TAF2: variants seen among roughly 807,000 people sequenced by gnomAD.
The protein encoded by TAF2 is transcription initiation factor TFIID subunit 2.
A neutral mutation model predicts 138.5 loss-of-function variants in TAF2; 61 were observed. That is an observed-to-expected ratio of 0.44 (90% confidence interval 0.36 to 0.54). The LOEUF (loss-of-function observed/expected upper bound fraction) is 0.54, where lower values mean the gene tolerates loss of function less well. TAF2 is among the 20% of genes least tolerant of loss of function. The pLI, the probability that TAF2 is intolerant of heterozygous loss-of-function variation, is 0.00. For missense variants in TAF2, 1,090 were observed against 1,427.9 expected (o/e 0.76, Z 3.81); for synonymous variants, 475 against 469.9 (o/e 1.01, Z -0.14).
chr8:119,800,478 C>A (rs1018027107), intron 6 of TAF2, among the ~76,000 whole-genome samples: 1 of 152,030 alleles, frequency 6.6e-6, no homozygotes, highest in Non-Finnish European at 1.5e-5. Flanking sequence ...ATTTCTGAGG[C>A]CTCTGTTCTG....
intron 18 of TAF2, among the ~76,000 whole-genome samples, chr8:119,764,377 T>A (rs188404826): frequency 1.3e-5 from 2 of 152,318 alleles, no homozygotes; most frequent in African/African-American, 4.8e-5. Context: ...AAAAACTGAT[T>A]AGCCTTCTTT....
chr8:119,803,750 T>A, intron 5 of TAF2, 128 bp downstream of exon 5: 1 of 990,858 alleles, frequency 1.0e-6, no homozygotes, highest in East Asian at 2.7e-5. Flanking sequence ...GAAAGTAATT[T>A]GAAAGAAGTC....
chr8:119,759,297 A>G (rs142774001), intron 20 of TAF2, among the ~76,000 whole-genome samples: 12 of 152,210 alleles, frequency 7.9e-5, no homozygotes, highest in African/African-American at 2.9e-4. Flanking sequence ...GAATATACAC[A>G]TTATGCTGTT....
At chr8:119,823,650 T>A (rs1825924293) in intron 2 of TAF2, among the ~76,000 whole-genome samples, 1 of 152,090 alleles carries the variant, frequency 6.6e-6, no homozygotes, top group Admixed American at 6.6e-5. Context: ...GAAAATGAAC[T>A]AATACAGTAA....
chr8:119,760,662 C>T lies in TAF2; in HGVS notation c.2635G>A (p.Glu879Lys), dbSNP rs1820999978. The T allele has an allele frequency of 1.2e-6, 2 of 1,614,014 alleles. No homozygotes were observed. Among genetic ancestry groups the T allele is most frequent in the African/African-American group, 1.3e-5 (1 of 75,046 alleles). The change falls in exon 20 of 26, where the codon GAA (glutamate) becomes AAA (lysine). Residue 879 changes from glutamate to lysine, a missense_variant. Coordinates refer to ENST00000378164, the MANE Select transcript of TAF2 (RefSeq NM_003184.4). ...CTAATGTCCACAAAGTGGCCATATT[C>T]AGCATAAGATTTAAAAAGAGCTGGA... ...SDPALFKSYAEYGHFVDIRIA... is the reference protein window; with the variant it reads ...SDPALFKSYAKYGHFVDIRIA...
rs550667787 is a variant in TAF2 at position 119,794,080 on chromosome 8, G to A, written c.1192-629C>T. Among the ~76,000 whole-genome samples the A allele has an allele frequency of 9.7e-4, 147 of 151,950 alleles. 1 individual carries two copies. Among genetic ancestry groups the A allele is most frequent in the African/African-American group, 3.2e-3 (134 of 41,444 alleles). ...GCTGGAACTACAGGCACATGCCACC[G>A]TGCCTGGTTAATTAAAAGAAAAAAA... On this transcript the variant is annotated intron_variant, in intron 9 of 25. Transcript: ENST00000378164.
At chr8:119,820,127 CT>C (rs1168256103) in intron 2 of TAF2, among the ~76,000 whole-genome samples, 1 of 152,186 alleles carries the variant, frequency 6.6e-6, no homozygotes, top group East Asian at 1.9e-4. Flanking sequence ...AGCAATGTCT[CT>C]GTATCCAACA....
At chr8:119,772,224 G>C (rs1311512713) in intron 18 of TAF2, among the ~76,000 whole-genome samples, 1 of 152,176 alleles carries the variant, frequency 6.6e-6, no homozygotes, top group Admixed American at 6.5e-5. Context: ...ATCAAAAAGA[G>C]AGATCTCAAA....
In TAF2 at chr8:119,773,538, T is replaced by C. The variant is rs533181690; in HGVS notation, c.2364+4481A>G. ...TATACAATAATAGAAACTGGATTTA[T>C]AGTAGGAGTTAAGATACTCACATCT... On this transcript the variant is annotated intron_variant, in intron 18 of 25. Coordinates refer to ENST00000378164, the MANE Select transcript of TAF2 (RefSeq NM_003184.4). Among the ~76,000 whole-genome samples, 26 of 151,704 alleles carry C rather than the reference T, an allele frequency of 1.7e-4. No individual in the cohort carries two copies. The South Asian group carries it at 4.8e-3, about 28-fold the overall frequency.
Position 119,756,059 on chromosome 8 carries a change from G to C in TAF2, c.2825C>G (p.Ser942Cys), listed in dbSNP as rs756109889. The change falls in exon 22 of 26, where the codon TCT becomes TGT. Residue 942 changes from serine to cysteine, a missense_variant. This residue lies in a region of TAF2 where 580 missense variants were observed against 719.6 expected (regional missense o/e 0.81). Transcript: ENST00000378164. ...TACCAGGGCTTCATTGCATAAGGGAGACTCCATGTTCTTAGTAAATGGTGG... is the reference window on the plus strand; with the variant it reads ...TACCAGGGCTTCATTGCATAAGGGACACTCCATGTTCTTAGTAAATGGTGG... ...KNPPFTKNMESPLCNEALVDQ... is the reference protein window; with the variant it reads ...KNPPFTKNMECPLCNEALVDQ... The C allele has an allele frequency of 6.2e-7, 1 of 1,613,740 alleles. No individual in the cohort carries two copies. Among genetic ancestry groups the C allele is most frequent in the South Asian group, 1.1e-5 (1 of 91,074 alleles).
intron 3 of TAF2, among the ~76,000 whole-genome samples, chr8:119,813,560 A>G (rs749167231): frequency 3.3e-5 from 5 of 152,226 alleles, no homozygotes; most frequent in Admixed American, 6.5e-5. Context: ...TTCCGGGATT[A>G]CCACATTTAA....
At chr8:119,745,586 T>C (rs1046177338) in intron 23 of TAF2, among the ~76,000 whole-genome samples, 2 of 152,128 alleles carry the variant, frequency 1.3e-5, no homozygotes, top group African/African-American at 2.4e-5. Flanking sequence ...CAGTAGGGAA[T>C]TGCCAGGCAA....
chr8:119,822,415 G>C (rs999628975), intron 2 of TAF2, among the ~76,000 whole-genome samples: 1 of 151,664 alleles, frequency 6.6e-6, no homozygotes, highest in African/African-American at 2.4e-5. Context: ...TCTAGAGACG[G>C]GTCTTATCAT....
At chr8:119,806,956 A>G (rs1824702443) in intron 3 of TAF2, among the ~76,000 whole-genome samples, 1 of 152,234 alleles carries the variant, frequency 6.6e-6, no homozygotes, top group African/African-American at 2.4e-5. Context: ...TATTATGACT[A>G]TCACATTCTT....
At chr8:119,772,558 A>C (rs978216891) in intron 18 of TAF2, among the ~76,000 whole-genome samples, 3 of 152,226 alleles carry the variant, frequency 2.0e-5, no homozygotes, top group Non-Finnish European at 4.4e-5. Flanking sequence ...GTTAGGTAAC[A>C]TATCAATGTA....
At chr8:119,821,854 T>C (rs915355798) in intron 2 of TAF2, among the ~76,000 whole-genome samples, 7 of 151,994 alleles carry the variant, frequency 4.6e-5, no homozygotes, top group Admixed American at 3.9e-4. Context: ...CTGGTCAACA[T>C]AGCAAGACCC....
intron 19 of TAF2, among the ~76,000 whole-genome samples, chr8:119,760,984 T>C (rs1821026439): frequency 1.3e-5 from 2 of 152,206 alleles, no homozygotes; most frequent in African/African-American, 4.8e-5. Context: ...ATTTTTAATA[T>C]GTTTAGTGTA....
At chr8:119,786,188 G>C (rs781181720) in intron 14 of TAF2, among the ~76,000 whole-genome samples, 2 of 152,090 alleles carry the variant, frequency 1.3e-5, no homozygotes, top group Non-Finnish European at 1.5e-5. Flanking sequence ...TGTTAAATAA[G>C]GGGTAAATGA....
chr8:119,748,304 A>G (rs986555775), intron 22 of TAF2, among the ~76,000 whole-genome samples: 1 of 152,058 alleles, frequency 6.6e-6, no homozygotes, highest in African/African-American at 2.4e-5. Flanking sequence ...AAATATTAAT[A>G]TAAGTAAATA....
Sources: gnomAD v4.1 joint callset for allele counts (sites outside exome capture counted in the v4.1 genomes callset) on GRCh38, gnomAD v4.1.1 for gene constraint, gnomAD v4.1.1 regional missense constraint, MANE v1.5 for transcripts, NCBI Gene and HGNC (gene_info 2026-07-23, HGNC 2026-07-21) for gene names.